Variants in TRAPPC9 observed in about 807,000 individuals in gnomAD.
The protein encoded by TRAPPC9 is IKK2 binding protein.
TRAPPC9 carries 83 observed loss-of-function variants against 124.0 expected under a neutral mutation model. The ratio of observed to expected loss-of-function variants is 0.67; its 90% confidence interval spans 0.56 to 0.80. The LOEUF is 0.80. Among genes scored for constraint, TRAPPC9 ranks in the 30% least tolerant of loss-of-function variants. TRAPPC9 has a pLI of 0.00. For synonymous variants in TRAPPC9, 638 were observed against 617.5 expected (o/e 1.03, Z -0.49); for missense variants, 1,302 against 1,508.3 (o/e 0.86, Z 2.27).
chr8:140,432,797 G>A (rs1035892897), intron 4 of TRAPPC9, among the ~76,000 whole-genome samples: 7 of 152,048 alleles, frequency 4.6e-5, no homozygotes, highest in South Asian at 2.1e-4. Context: ...ACGTGAACCC[G>A]GGAGGCGGAG....
At chr8:140,029,735 T>C (rs375869863) in intron 17 of TRAPPC9, among the ~76,000 whole-genome samples, 2 of 151,686 alleles carry the variant, frequency 1.3e-5, no homozygotes, top group East Asian at 1.9e-4. Flanking sequence ...AATATCAATT[T>C]TATATAATAA....
intron 18 of TRAPPC9, among the ~76,000 whole-genome samples, chr8:140,020,414 C>A (rs1839766143): frequency 6.6e-6 from 1 of 152,056 alleles, no homozygotes; most frequent in African/African-American, 2.4e-5. Context: ...TTGCTTGAGG[C>A]CAGGGGTTTG....
At chr8:140,242,720 AT>A (rs1188925408) in intron 16 of TRAPPC9, among the ~76,000 whole-genome samples, 2 of 152,244 alleles carry the variant, frequency 1.3e-5, no homozygotes, top group Non-Finnish European at 2.9e-5. Context: ...TATGGTAAGT[AT>A]TAAGGACAAA....
At chr8:139,823,865 C>T (rs1825437405) in intron 21 of TRAPPC9, among the ~76,000 whole-genome samples, 1 of 152,172 alleles carries the variant, frequency 6.6e-6, no homozygotes, top group African/African-American at 2.4e-5. Flanking sequence ...TGATGGTGTT[C>T]AAGCCCACAC....
intron 21 of TRAPPC9, among the ~76,000 whole-genome samples, chr8:139,849,168 CT>C (rs1458879369): frequency 6.6e-6 from 1 of 152,180 alleles, no homozygotes; most frequent in Non-Finnish European, 1.5e-5. Flanking sequence ...TCTAGGATAC[CT>C]GGAGAAAAGA....
intron 17 of TRAPPC9, among the ~76,000 whole-genome samples, chr8:140,119,466 G>A (rs1199335663): frequency 6.6e-6 from 1 of 152,098 alleles, no homozygotes; most frequent in Non-Finnish European, 1.5e-5. Context: ...CGTGAGTTTT[G>A]GAGAAACTCA....
In TRAPPC9 at chr8:139,907,864, C is replaced by T. The variant is rs1272050192; in HGVS notation, c.2964+2283G>A. ...CCATTAGAAGGCAGCATGTGCTGGG[C>T]GGGGACTGCAGGCTGGCAGACAAGC... On this transcript the variant is annotated intron_variant, in intron 20 of 22. Transcript: ENST00000438773. This position sits in a 1 kb window ranked among gnomAD's most constrained non-coding sequence, Gnocchi z 4.7. Among the ~76,000 whole-genome samples the T allele has an allele frequency of 3.9e-5, 6 of 152,188 alleles. No individual in the cohort carries two copies. The highest frequency in any genetic ancestry group is 7.3e-5 in the Non-Finnish European group (5 of 68,032).
chr8:140,242,874 A>G (rs1487620937), intron 16 of TRAPPC9, among the ~76,000 whole-genome samples: 1 of 152,200 alleles, frequency 6.6e-6, no homozygotes, highest in East Asian at 1.9e-4. Flanking sequence ...AGGATGAGTA[A>G]GTGGCAACCA....
At chr8:140,217,818 C>A (rs1177040976) in intron 17 of TRAPPC9, among the ~76,000 whole-genome samples, 1 of 152,102 alleles carries the variant, frequency 6.6e-6, no homozygotes, top group Non-Finnish European at 1.5e-5. Context: ...AAGTTTGAGA[C>A]CAGCCTGGTC....
At chr8:140,165,573 GAGGGGAAGGGA>G (rs2061821184) in intron 17 of TRAPPC9, among the ~76,000 whole-genome samples, 1 of 138,094 alleles carries the variant, frequency 7.2e-6, no homozygotes. Context: ...AAGGGAAGAG[GAGGGGAAGGGA>G]AGGGGGAAGG....
intron 17 of TRAPPC9, among the ~76,000 whole-genome samples, chr8:140,056,267 A>T (rs1222392743): frequency 6.6e-6 from 1 of 151,896 alleles, no homozygotes; most frequent in Non-Finnish European, 1.5e-5. Flanking sequence ...AAAAATTGCC[A>T]GGTGTAGTGG....
In TRAPPC9 at chr8:139,795,439, C is replaced by T. The variant is rs565821618; in HGVS notation, c.3056-63237G>A. On this transcript the variant is annotated intron_variant, in intron 21 of 22. Transcript: ENST00000438773. The stretch of plus-strand genomic sequence containing the variant: ...GTCGGACCAGATGATCCCCAGGGAC[C>T]CTTCCACCACTTGCAGCCTGTGTTT... Among the ~76,000 whole-genome samples the T allele has an allele frequency of 9.2e-5, 14 of 152,064 alleles. No homozygotes were observed. In the East Asian group the frequency reaches 1.9e-3, roughly 21 times the overall value.
intron 8 of TRAPPC9, among the ~76,000 whole-genome samples, chr8:140,367,224 T>C (rs1296677671): frequency 6.6e-6 from 1 of 152,192 alleles, no homozygotes; most frequent in Admixed American, 6.5e-5. Context: ...CCCTTGATAT[T>C]TACTCAAATG....
At chr8:140,404,224 A>C (rs1266716475) in intron 6 of TRAPPC9, among the ~76,000 whole-genome samples, 2 of 152,216 alleles carry the variant, frequency 1.3e-5, no homozygotes, top group Admixed American at 6.5e-5. Flanking sequence ...ATCCAGGATA[A>C]ATTTCTAGAA....
At chr8:139,794,907 G>A (rs778684340) in intron 21 of TRAPPC9, among the ~76,000 whole-genome samples, 4 of 152,214 alleles carry the variant, frequency 2.6e-5, no homozygotes, top group Non-Finnish European at 5.9e-5. Flanking sequence ...GCCATCCTGA[G>A]TCACCTGACA....
intron 17 of TRAPPC9, among the ~76,000 whole-genome samples, chr8:140,153,381 C>T (rs2061578978): frequency 1.3e-5 from 2 of 151,856 alleles, no homozygotes; most frequent in African/African-American, 4.8e-5. Context: ...ATTCATTTGC[C>T]CCTATCATTC....
At chr8:140,179,223 T>A (rs2062145235) in intron 17 of TRAPPC9, among the ~76,000 whole-genome samples, 1 of 152,170 alleles carries the variant, frequency 6.6e-6, no homozygotes, top group African/African-American at 2.4e-5. Flanking sequence ...GCTACAAATT[T>A]CCATTGAGGC....
At chr8:140,328,522 G>T (rs1588157777) in intron 9 of TRAPPC9, among the ~76,000 whole-genome samples, 2 of 152,050 alleles carry the variant, frequency 1.3e-5, no homozygotes, top group South Asian at 4.2e-4. Context: ...ACTCCTAAGT[G>T]GGAGCTAAGC....
chr8:139,741,573 T>A (rs1444014294), intron 21 of TRAPPC9, among the ~76,000 whole-genome samples: 1 of 152,078 alleles, frequency 6.6e-6, no homozygotes, highest in Non-Finnish European at 1.5e-5. Context: ...AATTCAGTGG[T>A]TCGTAGTATA....
Sources: gnomAD v4.1 joint callset for allele counts (sites outside exome capture counted in the v4.1 genomes callset) on GRCh38, gnomAD v4.1.1 for gene constraint, Gnocchi (gnomAD v3.1) non-coding constraint, MANE v1.5 for transcripts, NCBI Gene and HGNC (gene_info 2026-07-23, HGNC 2026-07-21) for gene names.